CDH23: variants seen among roughly 807,000 people sequenced by gnomAD.
CDH23 encodes the protein cadherin-23.
In CDH23, 189 loss-of-function variants were observed where a neutral mutation model predicts 317.1. The ratio of observed to expected loss-of-function variants is 0.60; its 90% CI spans 0.53 to 0.67. The LOEUF (loss-of-function observed/expected upper bound fraction) is 0.67. Among genes scored for constraint, CDH23 ranks in the 30% least tolerant of loss-of-function variants. The pLI, the probability that CDH23 is intolerant of heterozygous loss-of-function variation, is 0.00. For synonymous variants in CDH23, 1,839 were observed against 1,876.8 expected (o/e 0.98, Z 0.52); for missense variants, 4,401 against 4,592.4 (o/e 0.96, Z 1.20).
At chr10:71,653,196 C>A (rs1863260688) in intron 14 of CDH23, among the ~76,000 whole-genome samples, 1 of 152,206 alleles carries the variant, frequency 6.6e-6, no homozygotes, top group Admixed American at 6.5e-5. Context: ...TCAATGTCAG[C>A]CCCATTGCTG....
intron 19 of CDH23, among the ~76,000 whole-genome samples, chr10:71,689,178 A>G (rs1312403): frequency 0.46 from 13,497 of 29,584 alleles, 1,819 homozygotes; most frequent in East Asian, 0.59. Flanking sequence ...CAGGGGTGGT[A>G]GAGTCAGGGG....
At chr10:71,795,682 T>A in intron 48 of CDH23, 1 of 458,336 alleles carries the variant, frequency 2.2e-6, no homozygotes, top group Non-Finnish European at 2.8e-6. Context: ...CCTCTTCCCC[T>A]CCCCACTCCC....
At chr10:71,576,480 C>T (rs189179788) in intron 8 of CDH23, among the ~76,000 whole-genome samples, 1 of 152,206 alleles carries the variant, frequency 6.6e-6, no homozygotes, top group East Asian at 1.9e-4. Context: ...TGTCAGGGAA[C>T]AAGCCTCTGC....
intron 53 of CDH23, among the ~76,000 whole-genome samples, chr10:71,802,682 C>T (rs377374619): frequency 1.3e-5 from 2 of 152,330 alleles, no homozygotes; most frequent in Middle Eastern, 6.8e-3. Context: ...GAGCCACGCA[C>T]TGTGCCAAGG....
chr10:71,643,991 G>A lies in CDH23; in HGVS notation c.1140+125G>A, dbSNP rs1862702822. 8 of 682,354 alleles carry A rather than the reference G, an allele frequency of 1.2e-5. No homozygotes were observed. The South Asian group carries it at 1.3e-4, about 11-fold the overall frequency. 42.3% of individuals were successfully genotyped at this position (682,354 alleles called of 1,614,324 possible). The stretch of plus-strand genomic sequence containing the variant: ...ACCCTCTCAGGCCCCCAGCTCCTGT[G>A]GTTGAGGGACCAAAGGTTCAGGGGA... On this transcript the variant is annotated intron_variant, in intron 12 of 69. Transcript: ENST00000224721.
At chr10:71,767,870 A>G (rs1372345051) in intron 38 of CDH23, among the ~76,000 whole-genome samples, 1 of 152,202 alleles carries the variant, frequency 6.6e-6, no homozygotes, top group African/African-American at 2.4e-5. Context: ...GCACCTTGGG[A>G]AAGCCTCCGT....
At chr10:71,746,645 T>TA (rs1239325308) in intron 38 of CDH23, among the ~76,000 whole-genome samples, 1 of 151,946 alleles carries the variant, frequency 6.6e-6, no homozygotes, top group Non-Finnish European at 1.5e-5. Context: ...GGGCGGAAGG[T>TA]AACTGGGAGG....
intron 16 of CDH23, 130 bp downstream of exon 16, chr10:71,677,823 T>G: frequency 2.7e-6 from 2 of 743,354 alleles, no homozygotes. Flanking sequence ...TGGAGTGCAG[T>G]GGTACAATCA....
chr10:71,522,458 C>T (rs1040219411), intron 6 of CDH23, among the ~76,000 whole-genome samples: 6 of 152,160 alleles, frequency 3.9e-5, no homozygotes, highest in African/African-American at 1.4e-4. Context: ...CTCTTGGGGG[C>T]CACTCCCCAC....
At position 71,760,279 on chromosome 10, in the gene CDH23, A is replaced by ATGTATATATG. The variant is rs1358068817; in HGVS notation, c.4846-17391_4846-17382dup. On this transcript the variant is annotated intron_variant, in intron 38 of 69. Transcript: ENST00000224721. ...TATATATGTATATACATATATATGT[A>ATGTATATATG]TGTATATATGTGTATATATATGTAT... Among the ~76,000 whole-genome samples the ATGTATATATG allele has an allele frequency of 7.1e-5, 8 of 112,744 alleles. 1 individual carries two copies. Among genetic ancestry groups the ATGTATATATG allele is most frequent in the Admixed American group, 2.0e-4 (2 of 10,224 alleles). 74.0% of individuals were successfully genotyped at this position (112,744 alleles called of 152,430 possible). A position where few individuals can be genotyped will look rare whatever the true frequency, so the allele number is the denominator to read the frequency against.
chr10:71,432,727 G>C (rs1420041736), intron 1 of CDH23, among the ~76,000 whole-genome samples: 2 of 152,184 alleles, frequency 1.3e-5, no homozygotes, highest in Non-Finnish European at 2.9e-5. Flanking sequence ...CTGGTGATGG[G>C]AGCAATCCGA....
At chr10:71,567,008 T>C in intron 7 of CDH23, 72 bp downstream of exon 7, 1 of 1,405,382 alleles carries the variant, frequency 7.1e-7, no homozygotes, top group Non-Finnish European at 9.9e-7. Flanking sequence ...GACGGGGCAT[T>C]CCAATGGGAC....
chr10:71,494,397 T>C (rs1483296451), intron 3 of CDH23, among the ~76,000 whole-genome samples: 1 of 152,198 alleles, frequency 6.6e-6, no homozygotes. Flanking sequence ...CATCTGGGGC[T>C]GGTACTGGAT....
intron 9 of CDH23, among the ~76,000 whole-genome samples, chr10:71,595,709 GACA>G (rs1186598235): frequency 6.6e-6 from 1 of 152,166 alleles, no homozygotes; most frequent in Non-Finnish European, 1.5e-5. Flanking sequence ...CATCCGCCGA[GACA>G]ACGCTCTGCG....
Position 71,732,149 on chromosome 10 carries a change from A to G in CDH23, c.3878A>G (p.Asn1293Ser). 1.2e-6 allele frequency: 2 copies of G among 1,614,004 alleles called. No individual in the cohort carries two copies. Among genetic ancestry groups the G allele is most frequent in the East Asian group, 2.2e-5 (1 of 44,886 alleles). Residue 1293 changes from asparagine (N) to serine (S), a missense_variant, in exon 32 of 70, where the codon AAC (asparagine) becomes AGC (serine). Physicochemically the swap from Asn to Ser is conservative, Grantham distance 46. Transcript: ENST00000224721. ...GCCACTGACCAGGCCCCGCCCTTCA[A>G]CCAGGGCTTCTGCAGCGTCTACATC... ...VSATDQAPPF[N>S]QGFCSVYITL... is the part of the protein sequence containing the mutation.
chr10:71,795,855 T>G (rs1227263903), intron 48 of CDH23: 1 of 987,126 alleles, frequency 1.0e-6, no homozygotes, highest in African/African-American at 1.7e-5. Context: ...GCTCTGTTTC[T>G]CTGTCACTTC....
At chr10:71,759,908 CACACACATATATACACACACACATATAT>C (rs1440790919) in intron 38 of CDH23, among the ~76,000 whole-genome samples, 2 of 98,424 alleles carry the variant, frequency 2.0e-5, no homozygotes, top group Non-Finnish European at 4.5e-5. Flanking sequence ...CATATATACA[CACACACATATATACACACACACATATAT>C]ACACACACAC....
At chr10:71,641,033 C>T (rs183541038) in intron 11 of CDH23, among the ~76,000 whole-genome samples, 240 of 152,276 alleles carry the variant, frequency 1.6e-3, no homozygotes, top group Non-Finnish European at 2.3e-3. Flanking sequence ...GTCTAGGGTG[C>T]AGCATAGGCA....
intron 6 of CDH23, among the ~76,000 whole-genome samples, chr10:71,515,394 T>TCTCTCTCTCTCTCTCTCTCTCACACA (rs1491490493): frequency 4.1e-3 from 110 of 26,628 alleles, no homozygotes; most frequent in African/African-American, 8.5e-3. Context: ...TCTCTCTCTC[T>TCTCTCTCTCTCTCTCTCTCTCACACA]CACACACACA....
Sources: gnomAD v4.1 joint callset for allele counts (sites outside exome capture counted in the v4.1 genomes callset) on GRCh38, gnomAD v4.1.1 for gene constraint, MANE v1.5 for transcripts, NCBI Gene and HGNC (gene_info 2026-07-23, HGNC 2026-07-21) for gene names.